Variants in CCDC3 observed in about 807,000 individuals in gnomAD.
The protein encoded by CCDC3 is coiled-coil domain containing 3, also known as coiled-coil domain-containing protein 3.
A neutral mutation model predicts 21.4 loss-of-function variants in CCDC3; 24 were observed. That is an observed-to-expected ratio of 1.12 (90% CI 0.81 to 1.58). The LOEUF (loss-of-function observed/expected upper bound fraction) is 1.58, where lower values mean the gene tolerates loss of function less well. Among genes scored for constraint, CCDC3 ranks in the 40% most tolerant of loss-of-function variants. The pLI is 0.00. For synonymous variants in CCDC3, 186 were observed against 166.0 expected, an observed-to-expected ratio of 1.12 and a Z score of -0.93; for missense variants, 425 against 360.9, an observed-to-expected ratio of 1.18 and a Z score of -1.44.
intron 2 of CCDC3, among the ~76,000 whole-genome samples, chr10:12,903,284 C>G (rs1032663612): frequency 6.6e-6 from 1 of 152,214 alleles, no homozygotes; most frequent in Non-Finnish European, 1.5e-5. Flanking sequence ...GCTATCACCT[C>G]AAAAGAAAAT....
rs560815986 is a variant in CCDC3 at position 12,915,250 on chromosome 10, A to G, written c.550-16571T>C. On this transcript the variant is annotated intron_variant, in intron 2 of 2. Transcript: ENST00000378825. ...GTAGGATTTCAGAATTTTTAAATTT[A>G]TTATCTATCCTGGAGAATTCTCTGT... Among the ~76,000 whole-genome samples the G allele has an allele frequency of 2.6e-5, 4 of 152,298 alleles. No homozygotes were observed. The South Asian group carries it at 6.2e-4, about 24-fold the overall frequency.
At chr10:12,926,490 A>C (rs989569033) in intron 2 of CCDC3, among the ~76,000 whole-genome samples, 2 of 152,112 alleles carry the variant, frequency 1.3e-5, no homozygotes, top group Non-Finnish European at 2.9e-5. Context: ...CATTTCCTAG[A>C]TTTCTACATC....
At chr10:12,986,701 A>T (rs938658317) in intron 2 of CCDC3, among the ~76,000 whole-genome samples, 31 of 151,256 alleles carry the variant, frequency 2.0e-4, no homozygotes, top group African/African-American at 7.0e-4. Flanking sequence ...GTGACGCGGG[A>T]GGCGGAGCTT....
chr10:12,993,145 A>G (rs1835704997), intron 2 of CCDC3, among the ~76,000 whole-genome samples: 1 of 152,180 alleles, frequency 6.6e-6, no homozygotes, highest in Non-Finnish European at 1.5e-5. Flanking sequence ...TTCTTTTTCA[A>G]TGTGGTTTTT....
At chr10:13,033,407 A>G (rs371560269) in intron 5 of CCDC3, among the ~76,000 whole-genome samples, 1 of 152,334 alleles carries the variant, frequency 6.6e-6, no homozygotes, top group Non-Finnish European at 1.5e-5. Context: ...AACCTAGGCA[A>G]TACCATTCAG....
intron 2 of CCDC3, among the ~76,000 whole-genome samples, chr10:12,974,877 C>T (rs867854485): frequency 4.6e-5 from 7 of 152,284 alleles, no homozygotes; most frequent in African/African-American, 1.4e-4. Context: ...CATCGTTGAA[C>T]GTTACTAATA....
At chr10:13,058,358 T>C in intron 4 of CCDC3, 1 of 1,125,264 alleles carries the variant, frequency 8.9e-7, no homozygotes, top group South Asian at 1.2e-5. Context: ...GAGAATCCTG[T>C]GGGTCAGCAG....
intron 3 of CCDC3, among the ~76,000 whole-genome samples, chr10:13,089,828 C>G (rs1837159524): frequency 7.6e-6 from 1 of 131,282 alleles, no homozygotes; most frequent in Non-Finnish European, 1.6e-5. Context: ...TATCCCCCAC[C>G]CCCCTCCCAC....
intron 2 of CCDC3, among the ~76,000 whole-genome samples, chr10:12,942,935 C>A (rs1834856354): frequency 6.6e-6 from 1 of 152,150 alleles, no homozygotes; most frequent in Non-Finnish European, 1.5e-5. Flanking sequence ...TGGGGTATTA[C>A]CGCAGATGAA....
intron 2 of CCDC3, among the ~76,000 whole-genome samples, chr10:12,987,112 C>A (rs1426249636): frequency 6.6e-6 from 1 of 152,178 alleles, no homozygotes; most frequent in Non-Finnish European, 1.5e-5. Flanking sequence ...CTGCTGTGTG[C>A]TGGCTCACCC....
intron 2 of CCDC3, among the ~76,000 whole-genome samples, chr10:12,935,437 C>A (rs1228252824): frequency 6.6e-6 from 1 of 152,170 alleles, no homozygotes; most frequent in East Asian, 1.9e-4. Context: ...ATTTAGACGA[C>A]TGAAATTTCA....
intron 5 of CCDC3, among the ~76,000 whole-genome samples, chr10:13,013,655 C>G: frequency 6.6e-6 from 1 of 152,128 alleles, no homozygotes; most frequent in African/African-American, 2.4e-5. Context: ...CTTGCACCAG[C>G]TGATAAAACA....
At chr10:13,087,350 G>A (rs897369797) in intron 3 of CCDC3, among the ~76,000 whole-genome samples, 2 of 150,970 alleles carry the variant, frequency 1.3e-5, no homozygotes, top group African/African-American at 4.9e-5. Context: ...GTTGCGGTGA[G>A]CTGAGATTGC....
intron 4 of CCDC3, among the ~76,000 whole-genome samples, chr10:13,072,540 A>T (rs1220771209): frequency 1.3e-5 from 2 of 152,138 alleles, no homozygotes; most frequent in African/African-American, 2.4e-5. Flanking sequence ...GCCTGCTCAC[A>T]TGTGCACTGG....
chr10:13,083,452 AAT>A (rs1201756789), intron 3 of CCDC3, among the ~76,000 whole-genome samples: 1 of 152,226 alleles, frequency 6.6e-6, no homozygotes, highest in African/African-American at 2.4e-5. Flanking sequence ...TGTTAGAAAT[AAT>A]AGTTTCTTTT....
intron 2 of CCDC3, among the ~76,000 whole-genome samples, chr10:12,974,749 G>T (rs1835390741): frequency 6.6e-6 from 1 of 152,192 alleles, no homozygotes; most frequent in African/African-American, 2.4e-5. Context: ...TCTTCTTAGA[G>T]CACATCCACT....
At chr10:13,047,893 T>C (rs1564332123) in intron 5 of CCDC3, among the ~76,000 whole-genome samples, 1 of 152,186 alleles carries the variant, frequency 6.6e-6, no homozygotes. Context: ...AGAAACAGTC[T>C]GTGGTCTCTG....
chr10:12,916,966 G>A (rs551283494), intron 2 of CCDC3, among the ~76,000 whole-genome samples: 208 of 152,248 alleles, frequency 1.4e-3, no homozygotes, highest in African/African-American at 4.7e-3. Flanking sequence ...TGCCAGAGCA[G>A]GCCTTTATGC....
chr10:12,925,691 A>G (rs1045126009), intron 2 of CCDC3, among the ~76,000 whole-genome samples: 2 of 152,250 alleles, frequency 1.3e-5, no homozygotes, highest in African/African-American at 4.8e-5. Flanking sequence ...GGCATGCCAA[A>G]GGTGTGCACA....
Sources: allele counts gnomAD v4.1 joint callset (sites outside exome capture counted in the v4.1 genomes callset), GRCh38; gene constraint gnomAD v4.1.1; transcripts MANE v1.5; gene names NCBI Gene and HGNC (gene_info 2026-07-23, HGNC 2026-07-21).